The following SBF2 variants were observed in gnomAD, a reference collection of about 807,000 sequenced individuals.
SBF2 encodes the protein SET binding factor 2, also known as myotubularin-related protein 13.
In SBF2, 112 loss-of-function variants were observed where a neutral mutation model predicts 225.2. The ratio of observed to expected loss-of-function variants is 0.50; its 90% CI spans 0.43 to 0.58. SBF2 has a LOEUF of 0.58. Among genes scored for constraint, SBF2 ranks in the 20% least tolerant of loss-of-function variants. The probability of loss-of-function intolerance (pLI) is 0.00; values close to 1 mark genes in which losing one functional copy is unlikely to be tolerated. For synonymous variants in SBF2, 763 were observed against 773.3 expected, an observed-to-expected ratio of 0.99 and a Z score of 0.22; for missense variants, 1,996 against 2,206.2, an observed-to-expected ratio of 0.90 and a Z score of 1.91.
In SBF2 at chr11:9,845,552, T is replaced by C. The variant is rs564255793; in HGVS notation, c.3110+13A>G. Reference sequence around the variant, plus strand: ...GGGAGGGCTGAAATTAACAGACTTGTCTTTCTTCTTACCGAAAAGAAGTGT... The same window carrying C: ...GGGAGGGCTGAAATTAACAGACTTGCCTTTCTTCTTACCGAAAAGAAGTGT... On this transcript the variant is annotated intron_variant, in intron 24 of 39. Coordinates refer to ENST00000256190, the MANE Select transcript of SBF2 (RefSeq NM_030962.4). 1 of 1,611,414 alleles carries C rather than the reference T, an allele frequency of 6.2e-7. No individual in the cohort carries two copies. The highest frequency in any genetic ancestry group is 2.2e-5 in the East Asian group (1 of 44,846).
At chr11:9,816,744 TAA>T in intron 29 of SBF2, 94 bp downstream of exon 29, 1 of 1,219,122 alleles carries the variant, frequency 8.2e-7, no homozygotes, top group Non-Finnish European at 1.2e-6. Context: ...AATCATGCTG[TAA>T]AAAAAATTCT....
chr11:9,942,864 A>G (rs1264334720), intron 16 of SBF2, among the ~76,000 whole-genome samples: 2 of 139,460 alleles, frequency 1.4e-5, no homozygotes, highest in African/African-American at 5.2e-5. Context: ...AGAAAGGAAG[A>G]AAGGAAGAAA....
chr11:10,243,229 T>A (rs186011340), intron 1 of SBF2, among the ~76,000 whole-genome samples: 21 of 152,106 alleles, frequency 1.4e-4, no homozygotes, highest in African/African-American at 5.1e-4. Flanking sequence ...GAACAACTAA[T>A]GGGTCAAAGA....
chr11:10,219,408 C>A (rs959768282), intron 1 of SBF2, among the ~76,000 whole-genome samples: 1 of 152,142 alleles, frequency 6.6e-6, no homozygotes. Flanking sequence ...GGGCCTGGCC[C>A]AGGAAACCAT....
intron 32 of SBF2, among the ~76,000 whole-genome samples, chr11:9,805,472 A>G (rs1271502303): frequency 6.6e-6 from 1 of 152,068 alleles, no homozygotes; most frequent in Non-Finnish European, 1.5e-5. Context: ...TTATATTCAA[A>G]TCGGATATGT....
At chr11:9,804,252 A>G (rs1198014703) in intron 32 of SBF2, among the ~76,000 whole-genome samples, 3 of 152,210 alleles carry the variant, frequency 2.0e-5, no homozygotes, top group Admixed American at 2.0e-4. Flanking sequence ...GCATTACTGA[A>G]CTGGGATTTC....
At chr11:9,815,733 C>G (rs528724801) in intron 29 of SBF2, among the ~76,000 whole-genome samples, 1 of 152,290 alleles carries the variant, frequency 6.6e-6, no homozygotes, top group East Asian at 1.9e-4. Flanking sequence ...ACCAGCAACC[C>G]TGGATTGCTG....
rs903646759 is a variant in SBF2 at position 9,811,903 on chromosome 11, G to T, written c.4155+629C>A. On this transcript the variant is annotated intron_variant, in intron 30 of 39. Coordinates refer to ENST00000256190, the MANE Select transcript of SBF2 (RefSeq NM_030962.4). ...GGTCAAGGTGGGAGGATTACTTGAG[G>T]CCAGGAGTTCAAGACCAGCCTGGGC... is the stretch of plus-strand genomic sequence containing the variant. Among the ~76,000 whole-genome samples, 6 of 152,080 alleles carry T rather than the reference G, an allele frequency of 3.9e-5. 1 individual carries two copies. Among genetic ancestry groups the T allele is most frequent in the Non-Finnish European group, 7.4e-5 (5 of 68,016 alleles).
At chr11:9,943,999 A>G (rs1275400198) in intron 16 of SBF2, among the ~76,000 whole-genome samples, 2 of 152,220 alleles carry the variant, frequency 1.3e-5, no homozygotes, top group Non-Finnish European at 1.5e-5. Context: ...ATATCCTTCA[A>G]TAGCAGAATG....
chr11:10,105,178 T>TA (rs146998138), intron 2 of SBF2, among the ~76,000 whole-genome samples: 26,965 of 152,052 alleles, frequency 0.18, 2,574 homozygotes, highest in East Asian at 0.28. Context: ...ATTAGCGCTG[T>TA]AAGGGTTCAA....
At chr11:10,180,448 A>C (rs2135284048) in intron 2 of SBF2, among the ~76,000 whole-genome samples, 1 of 151,714 alleles carries the variant, frequency 6.6e-6, no homozygotes, top group African/African-American at 2.4e-5. Context: ...CAGACATACT[A>C]GAGCTCTATT....
intron 18 of SBF2, 128 bp downstream of exon 18, chr11:9,858,098 G>T: frequency 3.2e-6 from 3 of 935,112 alleles, no homozygotes; most frequent in Non-Finnish European, 5.2e-6. Flanking sequence ...ATATCACAGG[G>T]CTCCCTAAAT....
intron 1 of SBF2, among the ~76,000 whole-genome samples, chr11:10,230,199 T>C (rs7945990): frequency 0.11 from 16,025 of 152,242 alleles, 1,001 homozygotes; most frequent in Non-Finnish European, 0.11. Flanking sequence ...TGAGCCTATG[T>C]GTGTCGCTGC....
At chr11:10,141,334 G>A (rs1292764396) in intron 2 of SBF2, among the ~76,000 whole-genome samples, 1 of 152,156 alleles carries the variant, frequency 6.6e-6, no homozygotes, top group East Asian at 1.9e-4. Context: ...CAAATTTAAA[G>A]AAGGAGTCAT....
chr11:9,870,872 G>T (rs559412876), intron 17 of SBF2, among the ~76,000 whole-genome samples: 2 of 151,852 alleles, frequency 1.3e-5, no homozygotes, highest in Non-Finnish European at 2.9e-5. Flanking sequence ...TACTTGGGAG[G>T]CTGAGGCAGC....
At chr11:10,218,355 AC>A (rs1347818196) in intron 1 of SBF2, among the ~76,000 whole-genome samples, 1 of 85,680 alleles carries the variant, frequency 1.2e-5, no homozygotes, top group Non-Finnish European at 2.2e-5. Context: ...ATTACCTCCC[AC>A]CAGATCCCTC....
At chr11:9,940,873 C>CT in intron 16 of SBF2, among the ~76,000 whole-genome samples, 1 of 151,722 alleles carries the variant, frequency 6.6e-6, no homozygotes, top group South Asian at 2.1e-4. Flanking sequence ...GATACAAAGG[C>CT]AAAGAGTTTA....
chr11:9,870,972 G>GA (rs35752884), intron 17 of SBF2, among the ~76,000 whole-genome samples: 1,197 of 106,436 alleles, frequency 0.011, 12 homozygotes, highest in African/African-American at 0.031. Flanking sequence ...GAATCCGTCT[G>GA]AAAAAAAAAA....
At chr11:10,051,349 T>G (rs970846781) in intron 2 of SBF2, among the ~76,000 whole-genome samples, 1 of 152,122 alleles carries the variant, frequency 6.6e-6, no homozygotes, top group African/African-American at 2.4e-5. Context: ...CTTAGTTACT[T>G]AAATAGCCTC....
Sources: allele counts gnomAD v4.1 joint callset (sites outside exome capture counted in the v4.1 genomes callset), GRCh38; gene constraint gnomAD v4.1.1; transcripts MANE v1.5; gene names NCBI Gene and HGNC (gene_info 2026-07-23, HGNC 2026-07-21).